The following LDLRAD4 variants were observed in gnomAD, a reference collection of about 807,000 sequenced individuals.
LDLRAD4 encodes low-density lipoprotein receptor class A domain-containing protein 4.
LDLRAD4 carries 5 observed loss-of-function variants against 17.0 expected under a neutral mutation model. That is an observed-to-expected ratio of 0.29 (90% CI 0.15 to 0.62). The LOEUF is 0.62. Ranked by LOEUF, LDLRAD4 falls within the 20% of genes least tolerant of loss-of-function variation. The pLI, the probability that LDLRAD4 is intolerant of heterozygous loss-of-function variation, is 0.84. For missense variants in LDLRAD4, 340 were observed against 424.7 expected (o/e 0.80, Z 1.75); for synonymous variants, 168 against 171.8 (o/e 0.98, Z 0.17).
chr18:13,405,029 A>G (rs2087599065), intron 2 of LDLRAD4, among the ~76,000 whole-genome samples: 1 of 152,094 alleles, frequency 6.6e-6, no homozygotes, highest in Non-Finnish European at 1.5e-5. Flanking sequence ...AAGCAGTGGG[A>G]ACCCCTGGGA....
chr18:13,272,740 G>A (rs2044637009), intron 1 of LDLRAD4, among the ~76,000 whole-genome samples: 1 of 152,238 alleles, frequency 6.6e-6, no homozygotes, highest in African/African-American at 2.4e-5. Context: ...TGGTCACTCT[G>A]CATGGCAGCC....
intron 1 of LDLRAD4, chr18:13,362,457 C>T (rs1220207052): frequency 6.6e-6 from 1 of 152,208 alleles, no homozygotes; most frequent in African/African-American, 2.4e-5. Flanking sequence ...GTGCAGCAGC[C>T]ATTTAGGAGT....
intron 3 of LDLRAD4, among the ~76,000 whole-genome samples, chr18:13,494,673 A>ATTATAT (rs369486762): frequency 0.23 from 3,232 of 13,858 alleles, 897 homozygotes; most frequent in East Asian, 0.46. Flanking sequence ...CATATTTAAT[A>ATTATAT]ATATAATATA....
At chr18:13,496,586 A>G (rs74428421) in intron 3 of LDLRAD4, among the ~76,000 whole-genome samples, 6,408 of 152,270 alleles carry the variant, frequency 0.042, 138 homozygotes, top group African/African-American at 0.053. Flanking sequence ...AGTGTTTCGA[A>G]TTAGGGAGAC....
At chr18:13,447,494 A>G (rs538940659) in intron 3 of LDLRAD4, among the ~76,000 whole-genome samples, 117 of 152,276 alleles carry the variant, frequency 7.7e-4, no homozygotes, top group Non-Finnish European at 1.5e-3. Context: ...GTTTTAATAA[A>G]CCTTAGGCAT....
chr18:13,539,447 A>G (rs546717399), intron 3 of LDLRAD4, among the ~76,000 whole-genome samples: 2 of 152,362 alleles, frequency 1.3e-5, no homozygotes, highest in Non-Finnish European at 2.9e-5. Flanking sequence ...TCTTTTGCCA[A>G]TAGGAAAAAC....
intron 4 of LDLRAD4, among the ~76,000 whole-genome samples, chr18:13,641,297 G>A (rs2042528341): frequency 6.6e-6 from 1 of 152,162 alleles, no homozygotes; most frequent in African/African-American, 2.4e-5. Flanking sequence ...GGATGGATAG[G>A]TAAATAGAGA....
At chr18:13,641,749 C>T (rs1460166566) in intron 4 of LDLRAD4, 5 of 985,150 alleles carry the variant, frequency 5.1e-6, no homozygotes, top group Admixed American at 1.2e-4. Flanking sequence ...GGCGCTGGGT[C>T]AGCCGAGGGC....
chr18:13,462,389 G>A (rs1314082462), intron 3 of LDLRAD4, among the ~76,000 whole-genome samples: 1 of 152,078 alleles, frequency 6.6e-6, no homozygotes, highest in Non-Finnish European at 1.5e-5. Context: ...GACGGGCCAG[G>A]GATGCATCCA....
At chr18:13,336,900 T>C (rs2082129753) in intron 1 of LDLRAD4, among the ~76,000 whole-genome samples, 1 of 152,190 alleles carries the variant, frequency 6.6e-6, no homozygotes, top group Non-Finnish European at 1.5e-5. Context: ...CTAGGGAGTA[T>C]TCGTCTATTA....
intron 1 of LDLRAD4, among the ~76,000 whole-genome samples, chr18:13,321,675 C>A (rs972716363): frequency 2.7e-4 from 41 of 151,866 alleles, no homozygotes; most frequent in African/African-American, 8.7e-4. Context: ...ACCTGGCCAA[C>A]ATGGTGAAAC....
chr18:13,249,887 C>G (rs556293662), intron 1 of LDLRAD4, among the ~76,000 whole-genome samples: 4 of 152,144 alleles, frequency 2.6e-5, no homozygotes, highest in Non-Finnish European at 5.9e-5. Flanking sequence ...TAGTGTCTTA[C>G]ATTTAGGTCT....
chr18:13,275,677 A>G (rs1386056529), upstream of LDLRAD4, among the ~76,000 whole-genome samples: 1 of 152,250 alleles, frequency 6.6e-6, no homozygotes, highest in Non-Finnish European at 1.5e-5. Flanking sequence ...CCCATTCTGC[A>G]TGATTTACTT....
At chr18:13,623,465 T>C (rs556027704) in intron 4 of LDLRAD4, among the ~76,000 whole-genome samples, 81 of 152,364 alleles carry the variant, frequency 5.3e-4, no homozygotes, top group African/African-American at 1.8e-3. Flanking sequence ...CTATTTCTCC[T>C]TTTTTTCTGA....
At chr18:13,557,696 G>A (rs1227964578) in intron 3 of LDLRAD4, among the ~76,000 whole-genome samples, 2 of 152,196 alleles carry the variant, frequency 1.3e-5, no homozygotes, top group African/African-American at 4.8e-5. Context: ...CACCACAGCC[G>A]GCCTAGACAA....
At chr18:13,254,824 C>T (rs1005468587) in intron 1 of LDLRAD4, among the ~76,000 whole-genome samples, 22 of 152,116 alleles carry the variant, frequency 1.4e-4, no homozygotes, top group Admixed American at 1.2e-3. Context: ...ATTAGCTGGG[C>T]GTAGTGGCAC....
chr18:13,385,237 A>G (rs1377235278), intron 1 of LDLRAD4, among the ~76,000 whole-genome samples: 2 of 152,116 alleles, frequency 1.3e-5, no homozygotes, highest in African/African-American at 4.8e-5. Context: ...ATGCTTAGAG[A>G]TGTTGAGCAT....
intron 1 of LDLRAD4, among the ~76,000 whole-genome samples, chr18:13,288,981 A>G (rs1297618098): frequency 6.6e-6 from 1 of 152,244 alleles, no homozygotes; most frequent in Admixed American, 6.5e-5. Context: ...GAACTTAGGC[A>G]CTGTGGAAAC....
chr18:13,544,200 A>C (rs1181357030), intron 3 of LDLRAD4, among the ~76,000 whole-genome samples: 1 of 152,220 alleles, frequency 6.6e-6, no homozygotes, highest in African/African-American at 2.4e-5. Flanking sequence ...TGATTGCCTG[A>C]GGCACTGCTC....
Sources: allele counts gnomAD v4.1 joint callset (sites outside exome capture counted in the v4.1 genomes callset), GRCh38; gene constraint gnomAD v4.1.1; transcripts MANE v1.5; gene names NCBI Gene and HGNC (gene_info 2026-07-23, HGNC 2026-07-21).